CD244: variants seen among roughly 807,000 people sequenced by gnomAD.
CD244 encodes the protein natural killer cell receptor 2B4.
Under a neutral mutation model 45.5 loss-of-function variants are expected in CD244, and 20 were observed. The ratio of observed to expected loss-of-function variants is 0.44; its 90% CI spans 0.31 to 0.64. The LOEUF (loss-of-function observed/expected upper bound fraction) is 0.64, where lower values mean the gene tolerates loss of function less well. CD244 is among the 30% of genes least tolerant of loss of function. CD244 has a pLI of 0.08. For missense variants in CD244, 407 were observed against 426.9 expected (o/e 0.95, Z 0.41); for synonymous variants, 185 against 160.5 (o/e 1.15, Z -1.15).
At chr1:160,840,425 C>T (rs2101870881) in intron 3 of CD244, among the ~76,000 whole-genome samples, 1 of 152,062 alleles carries the variant, frequency 6.6e-6, no homozygotes, top group African/African-American at 2.4e-5. Flanking sequence ...ACACGCCCAG[C>T]TAATTTTTTG....
rs111842238 is a variant in CD244, at chr1:160,838,859, C to A, written c.766+80G>T. 1.1e-3 allele frequency: 1,009 copies of A among 912,912 alleles called. 7 individuals carry two copies. The African/African-American group carries it at 0.015, about 13-fold the overall frequency. 56.6% of individuals were successfully genotyped at this position (912,912 alleles called of 1,614,324 possible). ...GAAAAGGAGATGCTGTGCTCCCAGA[C>A]ACATCCCACTGGACGCAGGACAAAG... On this transcript the variant is annotated intron_variant, in intron 4 of 8. Coordinates refer to ENST00000368034, the MANE Select transcript of CD244 (RefSeq NM_016382.4).
chr1:160,844,523 G>T (rs992225195), intron 1 of CD244, among the ~76,000 whole-genome samples: 1 of 152,122 alleles, frequency 6.6e-6, no homozygotes, highest in Non-Finnish European at 1.5e-5. Flanking sequence ...ATGATGTTCT[G>T]CTAGTTCTAA....
At chr1:160,850,116 C>T (rs2101885703) in intron 1 of CD244, among the ~76,000 whole-genome samples, 1 of 152,224 alleles carries the variant, frequency 6.6e-6, no homozygotes, top group South Asian at 2.1e-4. Context: ...GTGTAGAAGT[C>T]AGTTTTGCAA....
At chr1:160,848,303 T>C (rs1669805900) in intron 1 of CD244, 1 of 593,320 alleles carries the variant, frequency 1.7e-6, no homozygotes, top group Non-Finnish European at 3.2e-6. Context: ...TGGCATCTTG[T>C]CCATGGCAAA....
rs973966617 is a variant in CD244 at position 160,862,873 on chromosome 1, G to A, written c.-196C>T. 1.2e-5 allele frequency: 6 copies of A among 495,360 alleles called. No individual in the cohort carries two copies. The highest frequency in any genetic ancestry group is 1.4e-5 in the Non-Finnish European group (4 of 277,328). 30.7% of individuals were successfully genotyped at this position (495,360 alleles called of 1,614,324 possible). A position where few individuals can be genotyped will look rare whatever the true frequency, so the allele number is the denominator to read the frequency against. Reference sequence around the variant, plus strand: ...ACAAGGCCACTGAGAAAGCCCCAGCGCCTGGAGCTGGTCTGACAGTTCCCA... The same window carrying A: ...ACAAGGCCACTGAGAAAGCCCCAGCACCTGGAGCTGGTCTGACAGTTCCCA... On this transcript the variant is annotated 5_prime_UTR_variant, in exon 1 of 9. Transcript: ENST00000368034.
At chr1:160,849,304 C>CTTTTTT (rs1557840584) in intron 1 of CD244, among the ~76,000 whole-genome samples, 133 of 108,238 alleles carry the variant, frequency 1.2e-3, no homozygotes, top group Middle Eastern at 9.2e-3. Flanking sequence ...TTTTGTTTTA[C>CTTTTTT]TTTAAGTTCT....
Position 160,830,952 on chromosome 1 carries a change from G to C in CD244, c.*395C>G, listed in dbSNP as rs1669094940. 1 of 169,080 alleles carries C rather than the reference G, an allele frequency of 5.9e-6. No individual in the cohort carries two copies. The highest frequency in any genetic ancestry group is 1.3e-5 in the Non-Finnish European group (1 of 77,452). 10.5% of individuals were successfully genotyped at this position (169,080 alleles called of 1,614,324 possible). A position where few individuals can be genotyped will look rare whatever the true frequency, so the allele number is the denominator to read the frequency against. The stretch of plus-strand genomic sequence containing the variant: ...TCCTCTTGCTTTGGAAGATGGGCCT[G>C]GGCCGGCGAGAGTCTAGAAATGCAG... On this transcript the variant is annotated 3_prime_UTR_variant, in exon 9 of 9. Transcript: ENST00000368034.
chr1:160,849,545 G>A (rs1021235220), intron 1 of CD244, among the ~76,000 whole-genome samples: 3 of 152,076 alleles, frequency 2.0e-5, no homozygotes, highest in Non-Finnish European at 2.9e-5. Context: ...GTGAGAACAC[G>A]TGGTGTTTGG....
At chr1:160,835,151 GA>G (rs1261398610) in intron 6 of CD244, among the ~76,000 whole-genome samples, 1 of 152,056 alleles carries the variant, frequency 6.6e-6, no homozygotes. Flanking sequence ...TGGCCACCAG[GA>G]GGCAGTGTTT....
Position 160,846,537 on chromosome 1 carries a change from G to A in CD244, c.62-4636C>T, listed in dbSNP as rs141108122. On this transcript the variant is annotated intron_variant, in intron 1 of 8. Transcript: ENST00000368034. ...AAAAGTTAGCTGAGCGTGGTGGCAC[G>A]CGCCCATAATCCCGGCTACTCAGGA... Among the ~76,000 whole-genome samples, 6 of 152,116 alleles carry A rather than the reference G, an allele frequency of 3.9e-5. No individual in the cohort carries two copies. The East Asian group carries it at 5.8e-4, about 15-fold the overall frequency.
chr1:160,836,100 G>C (rs1669320839), intron 6 of CD244, 95 bp downstream of exon 6: 2 of 912,276 alleles, frequency 2.2e-6, no homozygotes, highest in South Asian at 1.4e-5. Context: ...GAAGCACCAA[G>C]ATCTTATTCT....
At position 160,831,175 on chromosome 1, in the gene CD244, T is replaced by C. The variant is rs1669101256; in HGVS notation, c.*172A>G. ...GGAAGATATTATTTAACAGCCTTGC[T>C]CTTATCATGGTTGTTAGACATCATT... On this transcript the variant is annotated 3_prime_UTR_variant, in exon 9 of 9. Transcript: ENST00000368034. The C allele has an allele frequency of 5.0e-6, 3 of 598,396 alleles. No individual in the cohort carries two copies. Among genetic ancestry groups the C allele is most frequent in the Admixed American group, 5.8e-5 (2 of 34,266 alleles). The allele number at this position is 598,396 out of a possible 1,614,324, so 37.1% of individuals were successfully genotyped here.
In CD244 at chr1:160,832,870, G is replaced by GTATATATATATATATA. The variant is rs1553194340; in HGVS notation, c.961-311_961-296dup. On this transcript the variant is annotated intron_variant, in intron 7 of 8. Coordinates refer to ENST00000368034, the MANE Select transcript of CD244 (RefSeq NM_016382.4). ...CCCATACACATATGTGTGTGTGTGT[G>GTATATATATATATATA]TATATATATATATATATACACACAC... 4.1e-4 allele frequency among the ~76,000 whole-genome samples: 48 copies of GTATATATATATATATA among 117,912 alleles called. 1 individual carries two copies. The South Asian group carries it at 4.9e-3, about 12-fold the overall frequency. The allele number at this position is 117,912 out of a possible 152,430, so 77.4% of individuals were successfully genotyped here.
intron 1 of CD244, among the ~76,000 whole-genome samples, chr1:160,853,782 TAAAAAAAA>T (rs5778184): frequency 0.015 from 1,410 of 94,750 alleles, 27 homozygotes; most frequent in African/African-American, 0.052. Context: ...AGACCCTGCC[TAAAAAAAA>T]AAAAAAAAAA....
intron 1 of CD244, among the ~76,000 whole-genome samples, chr1:160,849,304 CT>C (rs1557840584): frequency 1.8e-5 from 2 of 108,474 alleles, no homozygotes; most frequent in Non-Finnish European, 3.7e-5. Flanking sequence ...TTTTGTTTTA[CT>C]TTAAGTTCTG....
intron 6 of CD244, 93 bp from the exon 7 acceptor site, chr1:160,834,209 C>A: frequency 1.1e-6 from 1 of 948,032 alleles, no homozygotes; most frequent in Non-Finnish European, 1.7e-6. Flanking sequence ...TCAACCCTGC[C>A]CAGATGGAAG....
chr1:160,857,943 A>G (rs1162185515), intron 1 of CD244, among the ~76,000 whole-genome samples: 1 of 152,186 alleles, frequency 6.6e-6, no homozygotes. Context: ...GCTACTAAGG[A>G]GGCTGAGGCA....
At position 160,831,415 on chromosome 1, in the gene CD244, G is replaced by A. The variant is rs1339983752; in HGVS notation, c.1030C>T (p.Gln344Ter). 11 of 1,613,662 alleles carry A rather than the reference G, an allele frequency of 6.8e-6. No individual in the cohort carries two copies. The highest frequency in any genetic ancestry group is 8.5e-6 in the Non-Finnish European group (10 of 1,179,578). ...STIYEVIGKS[Q>*]PKAQNPARLS... ...CGAGCAGGGTTCTGGGCTTTAGGTT[G>A]ACTCTTTCCAATCTGCAAAAGAAAA... The change falls in exon 9 of 9, where the codon CAA (glutamine) becomes TAA (stop). Residue 344 changes from glutamine (Q) to a stop codon, truncating the protein, a stop_gained. Coordinates refer to ENST00000368034, the MANE Select transcript of CD244 (RefSeq NM_016382.4). LOFTEE classifies it low-confidence loss of function (END_TRUNC).
chr1:160,862,084 T>C lies in CD244; in HGVS notation c.61+533A>G, dbSNP rs17382643. On this transcript the variant is annotated intron_variant, in intron 1 of 8. Transcript: ENST00000368034. Reference sequence around the variant, plus strand: ...CCCCAACCCTGCATGTCCCTAATAATTTCCAGGCTCCTGTGGCATCTGGAT... The same window carrying C: ...CCCCAACCCTGCATGTCCCTAATAACTTCCAGGCTCCTGTGGCATCTGGAT... Among the ~76,000 whole-genome samples, 1,365 of 152,216 alleles carry C rather than the reference T, an allele frequency of 9.0e-3. 10 individuals carry two copies. The highest frequency in any genetic ancestry group is 0.015 in the Admixed American group (227 of 15,290).
Sources: gnomAD v4.1 joint callset for allele counts (sites outside exome capture counted in the v4.1 genomes callset) on GRCh38, gnomAD v4.1.1 for gene constraint, MANE v1.5 for transcripts, NCBI Gene and HGNC (gene_info 2026-07-23, HGNC 2026-07-21) for gene names.